ETFDH: variants seen among roughly 807,000 people sequenced by gnomAD.
ETFDH encodes electron transfer flavoprotein-ubiquinone oxidoreductase, mitochondrial.
Under a neutral mutation model 73.2 loss-of-function variants are expected in ETFDH, and 61 were observed. The observed-to-expected ratio is 0.83, with a 90% CI of 0.68 to 1.03. The LOEUF is 1.03. Among genes scored for constraint, ETFDH ranks in the 50% least tolerant of loss-of-function variants. The pLI is 0.00. For missense variants in ETFDH, 685 were observed against 745.0 expected, an observed-to-expected ratio of 0.92 and a Z score of 0.94; for synonymous variants, 243 against 253.3, an observed-to-expected ratio of 0.96 and a Z score of 0.39.
chr4:158,700,004 C>T (rs1774415155), intron 9 of ETFDH, among the ~76,000 whole-genome samples: 1 of 152,098 alleles, frequency 6.6e-6, no homozygotes, highest in South Asian at 2.1e-4. Flanking sequence ...TAACTTTGGC[C>T]TTAAGAGATC....
At chr4:158,700,184 C>T (rs1203319842) in intron 9 of ETFDH, among the ~76,000 whole-genome samples, 1 of 152,062 alleles carries the variant, frequency 6.6e-6, no homozygotes, top group Non-Finnish European at 1.5e-5. Flanking sequence ...TACTTTATTA[C>T]TGTAATAGTA....
chr4:158,682,305 A>G lies in ETFDH; in HGVS notation c.286A>G (p.Lys96Glu). 3 of 1,614,168 alleles carry G rather than the reference A, an allele frequency of 1.9e-6. No homozygotes were observed. Among genetic ancestry groups the G allele is most frequent in the Non-Finnish European group, 1.7e-6 (2 of 1,180,016 alleles). ...RLKQLAVAHEKDIRVCLVEKA... is the reference protein window; with the variant it reads ...RLKQLAVAHEEDIRVCLVEKA... Reference sequence around the variant, plus strand: ...AAAACAGTTGGCTGTGGCACATGAAAAGGACATCCGTGTGTGTCTAGTGGA... The same window carrying G: ...AAAACAGTTGGCTGTGGCACATGAAGAGGACATCCGTGTGTGTCTAGTGGA... Residue 96 changes from lysine (K) to glutamate (E), a missense_variant, in exon 3 of 13, where the codon AAG becomes GAG. Lys to Glu is a moderately conservative substitution (Grantham distance 56). Coordinates refer to ENST00000511912, the MANE Select transcript of ETFDH (RefSeq NM_004453.4).
chr4:158,693,118 T>C (rs1057080555), intron 6 of ETFDH, among the ~76,000 whole-genome samples: 2 of 152,160 alleles, frequency 1.3e-5, no homozygotes, highest in Non-Finnish European at 2.9e-5. Flanking sequence ...TTTAACCCAC[T>C]GTAGCTAAGC....
chr4:158,695,040 A>C (rs1470431411), intron 6 of ETFDH, among the ~76,000 whole-genome samples: 1 of 152,194 alleles, frequency 6.6e-6, no homozygotes, highest in African/African-American at 2.4e-5. Flanking sequence ...TTCAATCCTC[A>C]TTTGGTTAAA....
chr4:158,703,756 A>AT (rs1276811020), intron 10 of ETFDH, among the ~76,000 whole-genome samples, 165 bp downstream of exon 10: 1 of 152,220 alleles, frequency 6.6e-6, no homozygotes, highest in Non-Finnish European at 1.5e-5. Context: ...ACAGTCAGTG[A>AT]TTTTTTACTG....
At chr4:158,685,684 T>C (rs1773985698) in intron 5 of ETFDH, among the ~76,000 whole-genome samples, 1 of 152,132 alleles carries the variant, frequency 6.6e-6, no homozygotes, top group Non-Finnish European at 1.5e-5. Flanking sequence ...TCACCAGAAA[T>C]GAACTGACAA....
At chr4:158,706,934 TCTC>T in intron 12 of ETFDH, 84 bp downstream of exon 12, 1 of 869,466 alleles carries the variant, frequency 1.2e-6, no homozygotes, top group South Asian at 1.4e-5. Context: ...GATTTCTGTA[TCTC>T]CTTCCATTCC....
rs1773969376 is a variant in ETFDH, at chr4:158,685,119, A to T, written c.506A>T (p.His169Leu). The T allele has an allele frequency of 6.2e-7, 1 of 1,605,278 alleles. No individual in the cohort carries two copies. Among genetic ancestry groups the T allele is most frequent in the African/African-American group, 1.3e-5 (1 of 74,730 alleles). ...TTTATAGGGCTTCCAATGAATAATC[A>T]TGGCAATTACATTGTACGCTTGGGA... The part of the protein sequence containing the change: ...PILPGLPMNN[H>L]GNYIVRLGHL... The change falls in exon 5 of 13, where the codon CAT (histidine) becomes CTT (leucine). Residue 169 changes from histidine to leucine, a missense_variant. By Grantham distance (99) the His-to-Leu change is moderately conservative. Coordinates refer to ENST00000511912, the MANE Select transcript of ETFDH (RefSeq NM_004453.4).
At chr4:158,682,925 G>A (rs1331992143) in intron 3 of ETFDH, among the ~76,000 whole-genome samples, 1 of 152,090 alleles carries the variant, frequency 6.6e-6, no homozygotes, top group Non-Finnish European at 1.5e-5. Context: ...AAATATTTTT[G>A]TGTAATGCTT....
chr4:158,703,701 A>G (rs577304322), intron 10 of ETFDH, 110 bp downstream of exon 10: 2 of 724,510 alleles, frequency 2.8e-6, no homozygotes, highest in African/African-American at 3.5e-5. Context: ...AAGTATTAAT[A>G]AGCATGCTAT....
intron 6 of ETFDH, among the ~76,000 whole-genome samples, chr4:158,693,149 G>A (rs888257052): frequency 6.6e-6 from 1 of 152,142 alleles, no homozygotes; most frequent in African/African-American, 2.4e-5. Context: ...CGATTTCACT[G>A]AAACAGCTCT....
chr4:158,680,386 T>G (rs569876455), intron 1 of ETFDH, 81 bp from the exon 2 acceptor site: 1 of 929,246 alleles, frequency 1.1e-6, no homozygotes, highest in Non-Finnish European at 1.8e-6. Context: ...TCATTGAGTA[T>G]AGTCATTCAC....
intron 6 of ETFDH, among the ~76,000 whole-genome samples, chr4:158,691,150 G>A (rs1774155120): frequency 6.6e-6 from 1 of 152,282 alleles, no homozygotes; most frequent in South Asian, 2.1e-4. Context: ...ACCAGTGCAA[G>A]GAGAATTCAA....
In ETFDH at chr4:158,705,445, T is replaced by C. The variant is rs759015791; in HGVS notation, c.1286-744T>C. On this transcript the variant is annotated intron_variant, in intron 10 of 12. Transcript: ENST00000511912. ...GTAGACCTCTTCTTAACTAATTATA[T>C]CTACAGCCACTAATAAGGTCACAGT... Among the ~76,000 whole-genome samples, 84 of 152,328 alleles carry C rather than the reference T, an allele frequency of 5.5e-4. 1 individual carries two copies. Among genetic ancestry groups the C allele is most frequent in the Non-Finnish European group, 5.1e-4 (35 of 68,030 alleles).
chr4:158,685,458 G>T (rs1773980909), intron 5 of ETFDH, among the ~76,000 whole-genome samples: 1 of 152,176 alleles, frequency 6.6e-6, no homozygotes, highest in South Asian at 2.1e-4. Flanking sequence ...AAAAATTGTA[G>T]ATTGTTGGTA....
chr4:158,706,099 C>T, intron 10 of ETFDH, 90 bp from the exon 11 acceptor site: 2 of 903,278 alleles, frequency 2.2e-6, no homozygotes, highest in Non-Finnish European at 3.7e-6. Context: ...AAAAACTTCA[C>T]TCATCAGCTA....
In ETFDH at chr4:158,698,970, A is replaced by G. The variant is rs1314610617; in HGVS notation, c.973-17A>G. The G allele has an allele frequency of 6.6e-7, 1 of 1,511,056 alleles. No homozygotes were observed. Among genetic ancestry groups the G allele is most frequent in the African/African-American group, 1.4e-5 (1 of 72,830 alleles). 93.6% of individuals were successfully genotyped at this position (1,511,056 alleles called of 1,614,324 possible). A position where few individuals can be genotyped will look rare whatever the true frequency, so the allele number is the denominator to read the frequency against. On this transcript the variant is annotated splice_polypyrimidine_tract_variant and intron_variant, in intron 8 of 12. Transcript: ENST00000511912. ...GAAATAAAAATGTCTAATTAAATAT[A>G]AGTGTAAATTTTTAAGGTTGGTCTA... is the stretch of plus-strand genomic sequence containing the variant.
rs529557243 is a variant in ETFDH, at chr4:158,676,209, C to T, written c.34+3719C>T. 9.9e-5 allele frequency among the ~76,000 whole-genome samples: 15 copies of T among 152,098 alleles called. No individual in the cohort carries two copies. The South Asian group carries it at 3.1e-3, about 32-fold the overall frequency. ...TAGGGGGGTCAGAAAGTGGGGAGTG[C>T]CAATTGGTCAGGTCAGAGGTGAAAT... On this transcript the variant is annotated intron_variant, in intron 1 of 12. Transcript: ENST00000511912.
chr4:158,690,764 G>T (rs1382393113), intron 6 of ETFDH, among the ~76,000 whole-genome samples: 1 of 152,108 alleles, frequency 6.6e-6, no homozygotes, highest in African/African-American at 2.4e-5. Context: ...TGGGTGTTGG[G>T]ATGCCAAGGC....
Sources: gnomAD v4.1 joint callset for allele counts (sites outside exome capture counted in the v4.1 genomes callset) on GRCh38, gnomAD v4.1.1 for gene constraint, MANE v1.5 for transcripts, NCBI Gene and HGNC (gene_info 2026-07-23, HGNC 2026-07-21) for gene names.